Variants in LRPPRC observed in about 807,000 individuals in gnomAD.
LRPPRC encodes the protein leucine-rich PPR motif-containing protein, mitochondrial.
A neutral mutation model predicts 180.3 loss-of-function variants in LRPPRC; 120 were observed. The observed-to-expected ratio is 0.67, with a 90% confidence interval of 0.57 to 0.77. LRPPRC has a LOEUF of 0.77. LRPPRC is among the 30% of genes least tolerant of loss of function. The probability of loss-of-function intolerance (pLI) is 0.00; values close to 1 mark genes in which losing one functional copy is unlikely to be tolerated. For synonymous variants in LRPPRC, 723 were observed against 600.0 expected, an observed-to-expected ratio of 1.21 and a Z score of -3.00; for missense variants, 2,012 against 1,657.2, an observed-to-expected ratio of 1.21 and a Z score of -3.72.
At chr2:43,909,362 A>G (rs1425346710) in intron 30 of LRPPRC, among the ~76,000 whole-genome samples, 1 of 137,630 alleles carries the variant, frequency 7.3e-6, no homozygotes, top group Non-Finnish European at 1.6e-5. Flanking sequence ...ACCCTGGTGG[A>G]TAACACAGCT....
intron 25 of LRPPRC, among the ~76,000 whole-genome samples, chr2:43,931,090 A>G (rs1279025979): frequency 2.6e-5 from 4 of 152,178 alleles, no homozygotes; most frequent in African/African-American, 7.2e-5. Context: ...ATGTTACCAT[A>G]TTAAAGGTTT....
rs1252528483 is a variant in LRPPRC, at chr2:43,960,460, A to G, written c.1582+81T>C. 3 of 821,012 alleles carry G rather than the reference A, an allele frequency of 3.7e-6. No individual in the cohort carries two copies. The East Asian group carries it at 7.3e-5, about 20-fold the overall frequency. The allele number at this position is 821,012 out of a possible 1,614,324, so 50.9% of individuals were successfully genotyped here. ...AAACATATAAACCTTCCTTGCTTTC[A>G]TTGCGTGAACCACCCTGCATGCCCT... On this transcript the variant is annotated intron_variant, in intron 13 of 37. Transcript: ENST00000260665.
intron 11 of LRPPRC, among the ~76,000 whole-genome samples, chr2:43,965,614 G>C (rs935361843): frequency 2.6e-5 from 4 of 152,140 alleles, no homozygotes; most frequent in African/African-American, 9.7e-5. Flanking sequence ...CCACGTATCT[G>C]ATAAGGGGCT....
chr2:43,955,006 A>G (rs901494528), intron 14 of LRPPRC, among the ~76,000 whole-genome samples: 2 of 152,200 alleles, frequency 1.3e-5, no homozygotes, highest in Non-Finnish European at 2.9e-5. Flanking sequence ...ATGGAAGGAT[A>G]CACTCCAGGC....
At chr2:43,981,373 C>T (rs1674299599) in intron 2 of LRPPRC, among the ~76,000 whole-genome samples, 1 of 152,126 alleles carries the variant, frequency 6.6e-6, no homozygotes, top group Admixed American at 6.6e-5. Context: ...ATGGAATAAA[C>T]ATCTAGACCA....
chr2:43,978,810 A>C (rs1447553778), intron 3 of LRPPRC, among the ~76,000 whole-genome samples: 1 of 151,992 alleles, frequency 6.6e-6, no homozygotes, highest in Non-Finnish European at 1.5e-5. Flanking sequence ...TATTTTATTT[A>C]TCTGTAGCTA....
At chr2:43,957,294 A>C (rs1673158030) in intron 14 of LRPPRC, 91 bp downstream of exon 14, 1 of 885,124 alleles carries the variant, frequency 1.1e-6, no homozygotes, top group Admixed American at 1.7e-5. Context: ...GAAAGATAAG[A>C]ATATTTGTAT....
chr2:43,901,688 C>T, intron 31 of LRPPRC, 164 bp from the exon 32 acceptor site: 1 of 619,538 alleles, frequency 1.6e-6, no homozygotes, highest in Non-Finnish European at 2.9e-6. Context: ...ATGAGATACC[C>T]CCAAAAATTA....
intron 25 of LRPPRC, among the ~76,000 whole-genome samples, chr2:43,926,212 T>C (rs887865196): frequency 2.6e-5 from 4 of 152,174 alleles, no homozygotes; most frequent in Admixed American, 2.6e-4. Context: ...ACACAAACTA[T>C]GCTTAACCTC....
At chr2:43,906,997 T>C (rs1296940509) in intron 30 of LRPPRC, among the ~76,000 whole-genome samples, 3 of 152,212 alleles carry the variant, frequency 2.0e-5, no homozygotes, top group Non-Finnish European at 2.9e-5. Context: ...ATTTACTTTC[T>C]CAATCTTTCA....
At chr2:43,892,937 G>GT (rs1366993410) in intron 36 of LRPPRC, 1 of 152,192 alleles carries the variant, frequency 6.6e-6, no homozygotes, top group Non-Finnish European at 1.5e-5. Context: ...AAGAACATCT[G>GT]TAATTGATAG....
chr2:43,941,856 A>C (rs561284073), intron 23 of LRPPRC, among the ~76,000 whole-genome samples: 3,934 of 150,672 alleles, frequency 0.026, 69 homozygotes, highest in Non-Finnish European at 0.037. Context: ...AAAAAAAAAA[A>C]AACTAGGCAA....
At chr2:43,904,150 C>G (rs1670983090) in intron 31 of LRPPRC, among the ~76,000 whole-genome samples, 2 of 152,084 alleles carry the variant, frequency 1.3e-5, no homozygotes, top group South Asian at 4.1e-4. Flanking sequence ...CTACACTGCC[C>G]AGGCTGGTCT....
intron 1 of LRPPRC, among the ~76,000 whole-genome samples, chr2:43,989,394 C>T (rs1279268709): frequency 6.6e-6 from 1 of 152,160 alleles, no homozygotes; most frequent in African/African-American, 2.4e-5. Context: ...TCCCAGGATC[C>T]TCCAGTCAAA....
chr2:43,985,721 C>T (rs1674500697), intron 1 of LRPPRC, among the ~76,000 whole-genome samples: 1 of 152,084 alleles, frequency 6.6e-6, no homozygotes. Context: ...ATTTGTTTAC[C>T]CATTTGCCTA....
chr2:43,933,744 T>A (rs754046148), intron 25 of LRPPRC, among the ~76,000 whole-genome samples: 2 of 152,220 alleles, frequency 1.3e-5, no homozygotes, highest in Non-Finnish European at 2.9e-5. Context: ...TGCCAAACAG[T>A]TGCAGACAGC....
intron 11 of LRPPRC, among the ~76,000 whole-genome samples, chr2:43,973,121 A>C (rs1433769952): frequency 6.6e-6 from 1 of 152,240 alleles, no homozygotes; most frequent in East Asian, 1.9e-4. Context: ...GCAGGCTGTC[A>C]GGTCATGAGT....
chr2:43,942,501 C>G (rs1272894551), intron 23 of LRPPRC, among the ~76,000 whole-genome samples: 1 of 152,000 alleles, frequency 6.6e-6, no homozygotes, highest in Non-Finnish European at 1.5e-5. Flanking sequence ...TCATCTAACC[C>G]GGTAATTGTT....
chr2:43,978,690 C>A (rs1674167509), intron 3 of LRPPRC, among the ~76,000 whole-genome samples: 1 of 151,970 alleles, frequency 6.6e-6, no homozygotes. Context: ...AAAAAATCAA[C>A]TTATCAAAAT....
Sources: allele counts gnomAD v4.1 joint callset (sites outside exome capture counted in the v4.1 genomes callset), GRCh38; gene constraint gnomAD v4.1.1; transcripts MANE v1.5; gene names NCBI Gene and HGNC (gene_info 2026-07-23, HGNC 2026-07-21).